Variants in GALNTL6 observed in about 807,000 individuals in gnomAD.
The protein encoded by GALNTL6 is polypeptide N-acetylgalactosaminyltransferase like 6.
A neutral mutation model predicts 73.7 loss-of-function variants in GALNTL6; 46 were observed. The observed-to-expected ratio is 0.62, with a 90% CI of 0.49 to 0.80. The LOEUF is 0.80. Ranked by LOEUF, GALNTL6 falls within the 30% of genes least tolerant of loss-of-function variation. The pLI is 0.00. For missense variants in GALNTL6, 604 were observed against 755.0 expected (o/e 0.80, Z 2.34); for synonymous variants, 259 against 263.7 (o/e 0.98, Z 0.17).
At chr4:172,001,670 G>A (rs1740676367) in intron 2 of GALNTL6, among the ~76,000 whole-genome samples, 2 of 152,018 alleles carry the variant, frequency 1.3e-5, no homozygotes, top group Non-Finnish European at 2.9e-5. Flanking sequence ...CTCAACTTTT[G>A]GATTTCAGTA....
intron 5 of GALNTL6, among the ~76,000 whole-genome samples, chr4:172,734,318 A>G (rs957568586): frequency 6.6e-6 from 1 of 152,252 alleles, no homozygotes; most frequent in South Asian, 2.1e-4. Flanking sequence ...AGAAATTTGC[A>G]TAAGTAACAA....
At chr4:171,978,466 C>A (rs1037281725) in intron 2 of GALNTL6, among the ~76,000 whole-genome samples, 10 of 152,046 alleles carry the variant, frequency 6.6e-5, no homozygotes, top group African/African-American at 2.4e-4. Context: ...TCAGTAGCAC[C>A]CCATCAGCTC....
At chr4:172,481,847 G>T (rs1314661327) in intron 5 of GALNTL6, among the ~76,000 whole-genome samples, 1 of 152,200 alleles carries the variant, frequency 6.6e-6, no homozygotes, top group Admixed American at 6.5e-5. Flanking sequence ...TGTTTCAGGG[G>T]AATGGGCAGA....
intron 2 of GALNTL6, among the ~76,000 whole-genome samples, chr4:172,184,783 G>A (rs1428968523): frequency 6.6e-6 from 1 of 152,118 alleles, no homozygotes; most frequent in African/African-American, 2.4e-5. Context: ...AAGATCGAGG[G>A]ATTGGCATTG....
intron 5 of GALNTL6, among the ~76,000 whole-genome samples, chr4:172,369,844 C>T (rs187420868): frequency 6.6e-5 from 10 of 152,280 alleles, no homozygotes; most frequent in East Asian, 1.9e-4. Flanking sequence ...TTCCCACCCA[C>T]GCCTCTCCCT....
At chr4:172,191,268 G>A (rs1011362461) in intron 2 of GALNTL6, among the ~76,000 whole-genome samples, 6 of 152,136 alleles carry the variant, frequency 3.9e-5, no homozygotes, top group African/African-American at 9.7e-5. Flanking sequence ...ATTTCTGACC[G>A]TAATTCTCTC....
intron 2 of GALNTL6, among the ~76,000 whole-genome samples, chr4:171,976,841 C>A (rs749833697): frequency 6.6e-6 from 1 of 152,024 alleles, no homozygotes; most frequent in Non-Finnish European, 1.5e-5. Flanking sequence ...TTCTCAGGAA[C>A]AAAAATCTCT....
chr4:172,638,358 T>C (rs75427177), intron 5 of GALNTL6, among the ~76,000 whole-genome samples: 4,704 of 152,136 alleles, frequency 0.031, 119 homozygotes, highest in South Asian at 0.091. Flanking sequence ...CCTGTGAACA[T>C]ATTGGTAAAG....
chr4:172,986,627 A>C (rs1056772550), intron 10 of GALNTL6, among the ~76,000 whole-genome samples: 1 of 152,206 alleles, frequency 6.6e-6, no homozygotes, highest in African/African-American at 2.4e-5. Flanking sequence ...CAGTTGAGTT[A>C]AACAGTAGTG....
chr4:172,606,512 A>G (rs1431762558), intron 5 of GALNTL6, among the ~76,000 whole-genome samples: 1 of 146,814 alleles, frequency 6.8e-6, no homozygotes, highest in Admixed American at 6.9e-5. Flanking sequence ...TACAGAAGGT[A>G]AAATGAGTGA....
intron 2 of GALNTL6, among the ~76,000 whole-genome samples, chr4:171,998,204 A>C (rs575699529): frequency 6.6e-6 from 1 of 152,296 alleles, no homozygotes; most frequent in South Asian, 2.1e-4. Context: ...AATAGGTGTC[A>C]TTTAGTCCAT....
intron 2 of GALNTL6, among the ~76,000 whole-genome samples, chr4:172,104,997 G>T (rs1369315286): frequency 6.6e-6 from 1 of 151,804 alleles, no homozygotes; most frequent in Non-Finnish European, 1.5e-5. Context: ...CCTTGAAAAA[G>T]TCAACAATTA....
chr4:172,374,378 G>A (rs1742945991), intron 5 of GALNTL6, among the ~76,000 whole-genome samples: 1 of 151,998 alleles, frequency 6.6e-6, no homozygotes, highest in Admixed American at 6.6e-5. Flanking sequence ...AGGGCCCAGG[G>A]CTTGCTTTTG....
intron 10 of GALNTL6, among the ~76,000 whole-genome samples, chr4:172,955,142 A>T (rs982603263): frequency 2.0e-5 from 3 of 152,190 alleles, no homozygotes; most frequent in Non-Finnish European, 4.4e-5. Context: ...TGAAATAATG[A>T]AAAAAGATTA....
intron 3 of GALNTL6, among the ~76,000 whole-genome samples, chr4:172,278,866 A>C (rs1738930234): frequency 6.6e-6 from 1 of 152,150 alleles, no homozygotes; most frequent in Admixed American, 6.6e-5. Flanking sequence ...TTGGCATAAA[A>C]ACAGACACAG....
intron 2 of GALNTL6, among the ~76,000 whole-genome samples, chr4:171,870,017 G>A (rs1736091585): frequency 6.6e-6 from 1 of 152,142 alleles, no homozygotes; most frequent in African/African-American, 2.4e-5. Flanking sequence ...TATCTGGTGA[G>A]GGAACATATT....
chr4:172,708,266 C>T (rs991127480), intron 5 of GALNTL6, among the ~76,000 whole-genome samples: 1 of 152,160 alleles, frequency 6.6e-6, no homozygotes, highest in African/African-American at 2.4e-5. Context: ...CCAGGCAACA[C>T]TTCGTGGTCT....
chr4:172,647,510 A>G lies in GALNTL6; in HGVS notation c.554-161851A>G, dbSNP rs1323645571. Among the ~76,000 whole-genome samples the G allele has an allele frequency of 3.9e-5, 6 of 152,038 alleles. No homozygotes were observed. The South Asian group carries it at 1.0e-3, about 26-fold the overall frequency. ...CAGAGTAAAAATGGTGGTTTCTTCTATTCCAGGGCCCAGGCTGAGGCACGC... is the reference window on the plus strand; with the variant it reads ...CAGAGTAAAAATGGTGGTTTCTTCTGTTCCAGGGCCCAGGCTGAGGCACGC... On this transcript the variant is annotated intron_variant, in intron 5 of 12. Transcript: ENST00000506823.
At chr4:172,661,750 C>T (rs1323499479) in intron 5 of GALNTL6, among the ~76,000 whole-genome samples, 1 of 152,138 alleles carries the variant, frequency 6.6e-6, no homozygotes. Flanking sequence ...GGACTTTGGG[C>T]ACATATCCAG....
Sources: gnomAD v4.1 joint callset for allele counts (sites outside exome capture counted in the v4.1 genomes callset) on GRCh38, gnomAD v4.1.1 for gene constraint, MANE v1.5 for transcripts, NCBI Gene and HGNC (gene_info 2026-07-23, HGNC 2026-07-21) for gene names.